PCDH15: variants seen among roughly 807,000 people sequenced by gnomAD.
PCDH15 encodes the protein protocadherin related 15.
Under a neutral mutation model 178.5 loss-of-function variants are expected in PCDH15, and 129 were observed. The ratio of observed to expected loss-of-function variants is 0.72; its 90% CI spans 0.63 to 0.84. PCDH15 has a LOEUF of 0.84. Among genes scored for constraint, PCDH15 ranks in the 40% least tolerant of loss-of-function variants. The probability of loss-of-function intolerance (pLI) is 0.00; values close to 1 mark genes in which losing one functional copy is unlikely to be tolerated. For missense variants in PCDH15, 2,230 were observed against 2,099.9 expected (o/e 1.06, Z -1.21); for synonymous variants, 800 against 732.0 (o/e 1.09, Z -1.50).
intron 2 of PCDH15, among the ~76,000 whole-genome samples, chr10:55,157,632 A>G (rs71492647): frequency 0.21 from 31,664 of 151,506 alleles, 4,073 homozygotes; most frequent in East Asian, 0.27. Context: ...GCCATAAAAA[A>G]TGATGAGTTC....
At chr10:54,849,309 T>C (rs1158674831) in intron 3 of PCDH15, among the ~76,000 whole-genome samples, 1 of 152,210 alleles carries the variant, frequency 6.6e-6, no homozygotes, top group African/African-American at 2.4e-5. Flanking sequence ...GGATCTGAGC[T>C]CTTTGAGTCA....
At chr10:54,222,908 G>A (rs554421056) in intron 9 of PCDH15, among the ~76,000 whole-genome samples, 1 of 152,274 alleles carries the variant, frequency 6.6e-6, no homozygotes, top group African/African-American at 2.4e-5. Flanking sequence ...TTTTCTGTCA[G>A]TTCTTTTTCA....
intron 2 of PCDH15, among the ~76,000 whole-genome samples, chr10:55,454,482 A>C (rs1162707781): frequency 6.6e-6 from 1 of 152,020 alleles, no homozygotes; most frequent in Non-Finnish European, 1.5e-5. Context: ...CTATCTTAGA[A>C]GTTTAGCTAG....
At chr10:54,438,495 T>C (rs1344492117) in intron 3 of PCDH15, among the ~76,000 whole-genome samples, 1 of 151,998 alleles carries the variant, frequency 6.6e-6, no homozygotes, top group African/African-American at 2.4e-5. Flanking sequence ...GGCCTATATA[T>C]AGCATATTCA....
intron 2 of PCDH15, among the ~76,000 whole-genome samples, chr10:54,651,298 T>C (rs2094255406): frequency 6.6e-6 from 1 of 152,022 alleles, no homozygotes; most frequent in Admixed American, 6.6e-5. Context: ...GTTGAGAAAT[T>C]CTGGGAAATA....
chr10:53,895,609 T>G (rs1564709293), intron 26 of PCDH15, among the ~76,000 whole-genome samples: 2 of 152,182 alleles, frequency 1.3e-5, no homozygotes, highest in Non-Finnish European at 2.9e-5. Flanking sequence ...AATTCAGAGT[T>G]TTTTAAAATT....
At chr10:54,186,055 A>G (rs1203839168) in intron 11 of PCDH15, among the ~76,000 whole-genome samples, 2 of 152,056 alleles carry the variant, frequency 1.3e-5, no homozygotes, top group African/African-American at 4.8e-5. Context: ...TCTAATTTAG[A>G]GAAAGAACAG....
chr10:54,429,053 T>C (rs968955860), intron 3 of PCDH15, among the ~76,000 whole-genome samples: 3 of 147,318 alleles, frequency 2.0e-5, no homozygotes, highest in Non-Finnish European at 4.5e-5. Flanking sequence ...TGGTGATTTA[T>C]AAATTACTCT....
chr10:55,153,308 G>A (rs1838789277), intron 2 of PCDH15, among the ~76,000 whole-genome samples: 1 of 152,060 alleles, frequency 6.6e-6, no homozygotes, highest in African/African-American at 2.4e-5. Flanking sequence ...CTGAGTGGGA[G>A]GTGAAATCCA....
chr10:54,436,010 AGGAGAGGAGAGG>A (rs2075364529), intron 3 of PCDH15, among the ~76,000 whole-genome samples: 28 of 59,928 alleles, frequency 4.7e-4, no homozygotes, highest in African/African-American at 2.5e-3. Flanking sequence ...AGAAGAGGAG[AGGAGAGGAGAGG>A]AGAGGAGAGG....
At chr10:54,136,246 C>G (rs779296044) in intron 14 of PCDH15, among the ~76,000 whole-genome samples, 1 of 152,100 alleles carries the variant, frequency 6.6e-6, no homozygotes, top group East Asian at 1.9e-4. Context: ...CTTATAGAAA[C>G]TAGACTTTGA....
chr10:54,746,852 C>T (rs72794592), intron 1 of PCDH15, among the ~76,000 whole-genome samples: 10,288 of 152,260 alleles, frequency 0.068, 471 homozygotes, highest in Admixed American at 0.094. Flanking sequence ...GTACAAGTTT[C>T]CAAGAAACCT....
chr10:55,407,911 G>A (rs998667436), intron 2 of PCDH15, among the ~76,000 whole-genome samples: 26 of 152,126 alleles, frequency 1.7e-4, no homozygotes, highest in Non-Finnish European at 8.8e-5. Flanking sequence ...TAAGTCTCAA[G>A]GACAAGTAAT....
chr10:55,062,525 C>A (rs1841458518), intron 2 of PCDH15, among the ~76,000 whole-genome samples: 1 of 152,112 alleles, frequency 6.6e-6, no homozygotes, highest in African/African-American at 2.4e-5. Flanking sequence ...ATATGACATG[C>A]TGGGAATGTC....
chr10:54,801,415 G>T (rs1224818210), upstream of PCDH15: 1 of 152,220 alleles, frequency 6.6e-6, no homozygotes, highest in Admixed American at 6.5e-5. Flanking sequence ...AGTAGCAGGT[G>T]CTACAGCCCA....
At chr10:54,716,902 C>G (rs1244766904) in intron 1 of PCDH15, among the ~76,000 whole-genome samples, 1 of 146,792 alleles carries the variant, frequency 6.8e-6, no homozygotes, top group Non-Finnish European at 1.5e-5. Flanking sequence ...GTACTGGTAC[C>G]AAAACAGAGA....
chr10:53,901,990 T>G (rs563824034), intron 26 of PCDH15, among the ~76,000 whole-genome samples: 16 of 152,322 alleles, frequency 1.1e-4, no homozygotes, highest in African/African-American at 3.8e-4. Context: ...TTTGTTTGTT[T>G]GCTTTGTCAA....
chr10:55,145,915 A>T (rs2013217), intron 2 of PCDH15, among the ~76,000 whole-genome samples: 80,320 of 151,776 alleles, frequency 0.53, 21,678 homozygotes, highest in South Asian at 0.65. Flanking sequence ...AAAAATAGAC[A>T]GATGTAAACA....
intron 1 of PCDH15, among the ~76,000 whole-genome samples, chr10:54,681,544 T>A (rs2094899034): frequency 6.6e-6 from 1 of 152,004 alleles, no homozygotes; most frequent in African/African-American, 2.4e-5. Flanking sequence ...CACTAATAGG[T>A]TGAGGAAGAT....
Sources: allele counts gnomAD v4.1 joint callset (sites outside exome capture counted in the v4.1 genomes callset), GRCh38; gene constraint gnomAD v4.1.1; transcripts MANE v1.5; gene names NCBI Gene and HGNC (gene_info 2026-07-23, HGNC 2026-07-21).